Variants in ZNF57 observed in about 807,000 individuals in gnomAD.
ZNF57 encodes the protein zinc finger protein 424.
ZNF57 carries 11 observed loss-of-function variants against 13.4 expected under a neutral mutation model. That is an observed-to-expected ratio of 0.82 (90% CI 0.52 to 1.36). The LOEUF is 1.36. Ranked by LOEUF, ZNF57 falls within the 40% of genes most tolerant of loss-of-function variation. The probability of loss-of-function intolerance (pLI) is 0.00; values close to 1 mark genes in which losing one functional copy is unlikely to be tolerated. For synonymous variants in ZNF57, 224 were observed against 238.5 expected (o/e 0.94, Z 0.56); for missense variants, 696 against 667.5 (o/e 1.04, Z -0.47).
intron 1 of ZNF57, among the ~76,000 whole-genome samples, chr19:2,902,231 G>A (rs1450475478): frequency 6.6e-6 from 1 of 151,790 alleles, no homozygotes; most frequent in African/African-American, 2.4e-5. Context: ...CCTCAGCGGT[G>A]GGAGTTAGCT....
chr19:2,909,198 T>A (rs1677874279), intron 1 of ZNF57, among the ~76,000 whole-genome samples: 1 of 152,006 alleles, frequency 6.6e-6, no homozygotes, highest in Admixed American at 6.6e-5. Context: ...ATTTCTTCAG[T>A]ATATATTTAG....
At chr19:2,903,085 T>C (rs1400706058) in intron 1 of ZNF57, among the ~76,000 whole-genome samples, 5 of 152,220 alleles carry the variant, frequency 3.3e-5, no homozygotes, top group Non-Finnish European at 5.9e-5. Context: ...GAACTGTTCA[T>C]GCTGATTGAG....
At position 2,918,200 on chromosome 19, in the gene ZNF57, A is replaced by G. The variant is rs2144940369; in HGVS notation, c.1579A>G (p.Thr527Ala). Reference sequence around the variant, plus strand: ...CTTCCGGAACCATCTGAGGATGCACACAGGACAGAAATCCCACGAATGTCA... The same window carrying G: ...CTTCCGGAACCATCTGAGGATGCACGCAGGACAGAAATCCCACGAATGTCA... The part of the protein sequence containing the change: ...SSFRNHLRMH[T>A]GQKSHECQSY... The change falls in exon 4 of 4, where the codon ACA becomes GCA. Residue 527 changes from threonine (T) to alanine (A), a missense_variant. Physicochemically the swap from Thr to Ala is moderately conservative, Grantham distance 58. Around this residue, in one of 3 missense-constraint regions of ZNF57, gnomAD observed 645 missense variants for 591.5 expected, o/e 1.09. Coordinates refer to ENST00000306908, the MANE Select transcript of ZNF57 (RefSeq NM_173480.3). 1 of 1,614,268 alleles carries G rather than the reference A, an allele frequency of 6.2e-7. No homozygotes were observed. Among genetic ancestry groups the G allele is most frequent in the Non-Finnish European group, 8.5e-7 (1 of 1,180,050 alleles).
chr19:2,905,024 C>G (rs1272987581), intron 1 of ZNF57, among the ~76,000 whole-genome samples: 4 of 152,184 alleles, frequency 2.6e-5, no homozygotes. Context: ...TAGCATCTCT[C>G]CTTGCCCAGG....
At chr19:2,916,568 T>A in intron 3 of ZNF57, 2 of 231,676 alleles carry the variant, frequency 8.6e-6, no homozygotes, top group Non-Finnish European at 8.4e-6. Context: ...AAAAAAAAAA[T>A]AGCCGAGCGT....
chr19:2,901,552 C>T (rs2088030417), intron 1 of ZNF57, among the ~76,000 whole-genome samples: 1 of 151,944 alleles, frequency 6.6e-6, no homozygotes, highest in South Asian at 2.1e-4. Context: ...GACGGAGTCC[C>T]GCTCTGTCGC....
In ZNF57 at chr19:2,917,755, G is replaced by C; in HGVS notation, c.1134G>C (p.Thr378=). ...GGAAAGCCTTCACTTGGTCCTCAAC[G>C]TTTAGAGAACATGTGAGAATTCACA... ...QCGKAFTWSS[T]FREHVRIHTQ... The change falls in exon 4 of 4, where the codon ACG becomes ACC. Residue 378 remains threonine (T), a synonymous_variant. Transcript: ENST00000306908. 1 of 1,611,420 alleles carries C rather than the reference G, an allele frequency of 6.2e-7. No homozygotes were observed. The highest frequency in any genetic ancestry group is 1.3e-5 in the African/African-American group (1 of 74,142).
At position 2,918,150 on chromosome 19, in the gene ZNF57, G is replaced by C; in HGVS notation, c.1529G>C (p.Gly510Ala). 3.1e-6 allele frequency: 5 copies of C among 1,614,170 alleles called. No homozygotes were observed. The highest frequency in any genetic ancestry group is 4.2e-6 in the Non-Finnish European group (5 of 1,180,040). ...AAACCTCACAAATGTAAACAATGTG[G>C]GATGTCCTTCAAGTGGCACTCCTCC... ...GEKPHKCKQC[G>A]MSFKWHSSFR... is the part of the protein sequence containing the mutation. Residue 510 changes from glycine to alanine, a missense_variant, in exon 4 of 4, where the codon GGG becomes GCG. Transcript: ENST00000306908.
rs2088205866 is a variant in ZNF57, at chr19:2,916,963, T to G, written c.342T>G (p.Gly114=). 2 of 1,610,268 alleles carry G rather than the reference T, an allele frequency of 1.2e-6. No homozygotes were observed. The highest frequency in any genetic ancestry group is 1.7e-6 in the Non-Finnish European group (2 of 1,178,604). ...MVDRFCTHNE[G]NQYGEAIHQM... ...ACAGATTCTGTACACATAATGAAGG[T>G]AATCAATATGGAGAAGCCATCCATC... The change falls in exon 4 of 4, where the codon GGT becomes GGG. Residue 114 remains glycine (G), a synonymous_variant. Transcript: ENST00000306908.
At chr19:2,903,950 G>T (rs7252989) in intron 1 of ZNF57, among the ~76,000 whole-genome samples, 9 of 151,638 alleles carry the variant, frequency 5.9e-5, no homozygotes, top group African/African-American at 2.2e-4. Flanking sequence ...CTCCTGACCT[G>T]GTGTTCCGCT....
At position 2,915,396 on chromosome 19, in the gene ZNF57, A is replaced by G. The variant is rs1599603500; in HGVS notation, c.4-126A>G. The G allele has an allele frequency of 7.8e-6, 10 of 1,282,808 alleles. No homozygotes were observed. In the East Asian group the frequency reaches 1.7e-4, roughly 21 times the overall value. 79.5% of individuals were successfully genotyped at this position (1,282,808 alleles called of 1,614,324 possible). A position where few individuals can be genotyped will look rare whatever the true frequency, so the allele number is the denominator to read the frequency against. On this transcript the variant is annotated intron_variant, in intron 1 of 3. Transcript: ENST00000306908. ...GTGATTGTGAATAAGTAAAAGATCT[A>G]ACATTCGCGTCATAGAGGAGGTGTT...
chr19:2,907,750 G>A (rs777999187), intron 1 of ZNF57, among the ~76,000 whole-genome samples: 20 of 152,190 alleles, frequency 1.3e-4, no homozygotes, highest in Admixed American at 1.3e-3. Flanking sequence ...ATCTCACTCT[G>A]TTGCCCAGAC....
chr19:2,909,312 G>A (rs1306474426), intron 1 of ZNF57, among the ~76,000 whole-genome samples: 1 of 74,686 alleles, frequency 1.3e-5, no homozygotes, highest in African/African-American at 4.7e-5. Flanking sequence ...ACAGAGTCTC[G>A]CTCTGTCGCC....
chr19:2,910,769 T>TGC (rs2088125533), intron 1 of ZNF57, among the ~76,000 whole-genome samples: 1 of 76,120 alleles, frequency 1.3e-5, no homozygotes, highest in Non-Finnish European at 3.0e-5. Flanking sequence ...CTAATTTTTA[T>TGC]ATTTTTAGTA....
chr19:2,906,569 C>T (rs974838373), intron 1 of ZNF57, among the ~76,000 whole-genome samples: 1 of 152,172 alleles, frequency 6.6e-6, no homozygotes, highest in African/African-American at 2.4e-5. Context: ...AGCCCCTTTG[C>T]CGAAACCGCC....
Position 2,917,553 on chromosome 19 carries a change from A to G in ZNF57, c.932A>G (p.Lys311Arg). The change falls in exon 4 of 4, where the codon AAG (lysine) becomes AGG (arginine). Residue 311 changes from lysine to arginine, a missense_variant. Coordinates refer to ENST00000306908, the MANE Select transcript of ZNF57 (RefSeq NM_173480.3). Reference sequence around the variant, plus strand: ...ACGGGAGAGAAGCCCTATGAATGCAAGCAGTGTGGGAAAACATTCAGTTGG... The same window carrying G: ...ACGGGAGAGAAGCCCTATGAATGCAGGCAGTGTGGGAAAACATTCAGTTGG... ...THTGEKPYECKQCGKTFSWSE... is the reference protein window; with the variant it reads ...THTGEKPYECRQCGKTFSWSE... The G allele has an allele frequency of 1.9e-6, 3 of 1,614,144 alleles. No homozygotes were observed. Among genetic ancestry groups the G allele is most frequent in the Non-Finnish European group, 1.7e-6 (2 of 1,179,978 alleles).
At position 2,917,376 on chromosome 19, in the gene ZNF57, A is replaced by T; in HGVS notation, c.755A>T (p.Tyr252Phe). 6.2e-7 allele frequency: 1 copy of T among 1,614,254 alleles called. No individual in the cohort carries two copies. The highest frequency in any genetic ancestry group is 8.5e-7 in the Non-Finnish European group (1 of 1,180,050). The change falls in exon 4 of 4, where the codon TAT becomes TTT. Residue 252 changes from tyrosine (Y) to phenylalanine (F), a missense_variant. Coordinates refer to ENST00000306908, the MANE Select transcript of ZNF57 (RefSeq NM_173480.3). ...HVRTHTKDRP[Y>F]KCQECGRAFI... ...AGAACTCACACAAAAGACAGGCCAT[A>T]TAAATGTCAGGAATGTGGGAGAGCC...
chr19:2,915,654 G>C lies in ZNF57; in HGVS notation c.130+6G>C. ...CCGGAACCTGGCCTCAGTAGGTGAGGATGGCATCATTCCTTCCCTTGGTTT... is the reference window on the plus strand; with the variant it reads ...CCGGAACCTGGCCTCAGTAGGTGAGCATGGCATCATTCCTTCCCTTGGTTT... On this transcript the variant is annotated splice_donor_region_variant and intron_variant, in intron 2 of 3. Coordinates refer to ENST00000306908, the MANE Select transcript of ZNF57 (RefSeq NM_173480.3). 6.2e-7 allele frequency: 1 copy of C among 1,613,770 alleles called. No individual in the cohort carries two copies. Among genetic ancestry groups the C allele is most frequent in the Non-Finnish European group, 8.5e-7 (1 of 1,179,750 alleles).
chr19:2,916,949 A>G lies in ZNF57; in HGVS notation c.328A>G (p.Thr110Ala), dbSNP rs760230970. The G allele has an allele frequency of 2.2e-5, 36 of 1,603,848 alleles. No homozygotes were observed. Among genetic ancestry groups the G allele is most frequent in the Non-Finnish European group, 2.8e-5 (33 of 1,175,486 alleles). Residue 110 changes from threonine to alanine, a missense_variant, in exon 4 of 4, where the codon ACA becomes GCA. Physicochemically the swap from Thr to Ala is moderately conservative, Grantham distance 58. Transcript: ENST00000306908. The part of the protein sequence containing the change: ...LRNHMVDRFC[T>A]HNEGNQYGEA... ...AAATCATATGGTGGACAGATTCTGT[A>G]CACATAATGAAGGTAATCAATATGG... is the stretch of plus-strand genomic sequence containing the variant.
Sources: allele counts gnomAD v4.1 joint callset (sites outside exome capture counted in the v4.1 genomes callset), GRCh38; gene constraint gnomAD v4.1.1; regional missense constraint gnomAD v4.1.1; transcripts MANE v1.5; gene names NCBI Gene and HGNC (gene_info 2026-07-23, HGNC 2026-07-21).